The following ARG2 variants were observed in gnomAD, a reference collection of about 807,000 sequenced individuals.
The protein encoded by ARG2 is arginase 2, also known as arginase-2, mitochondrial.
In ARG2, 21 loss-of-function variants were observed where a neutral mutation model predicts 39.4. The ratio of observed to expected loss-of-function variants is 0.53; its 90% confidence interval spans 0.38 to 0.77. The LOEUF is 0.77. Among genes scored for constraint, ARG2 ranks in the 30% least tolerant of loss-of-function variants. The pLI, the probability that ARG2 is intolerant of heterozygous loss-of-function variation, is 0.00. For synonymous variants in ARG2, 150 were observed against 156.7 expected, an observed-to-expected ratio of 0.96 and a Z score of 0.32; for missense variants, 378 against 426.2, an observed-to-expected ratio of 0.89 and a Z score of 1.00.
chr14:67,627,197 T>G (rs2036874697), intron 2 of ARG2, among the ~76,000 whole-genome samples: 1 of 151,246 alleles, frequency 6.6e-6, no homozygotes, highest in Admixed American at 6.6e-5. Flanking sequence ...GGATGAATTT[T>G]ATGGTATGTG....
At chr14:67,633,072 G>A (rs961586920) in intron 2 of ARG2, among the ~76,000 whole-genome samples, 9 of 151,870 alleles carry the variant, frequency 5.9e-5, no homozygotes, top group South Asian at 2.1e-4. Flanking sequence ...CGCCCGCCTC[G>A]GCCTCCGAAA....
rs370808150 is a variant in ARG2 at position 67,619,936 on chromosome 14, C to T, written c.-42C>T. ...GTGGCGCTCACTCCCGGCTTCCAAC[C>T]GCGCGGAGCCTCTGCCTTGGAGATT... On this transcript the variant is annotated 5_prime_UTR_variant, in exon 1 of 8. Transcript: ENST00000261783. 23 of 1,384,536 alleles carry T rather than the reference C, an allele frequency of 1.7e-5. No homozygotes were observed. The highest frequency in any genetic ancestry group is 1.9e-5 in the Non-Finnish European group (20 of 1,030,556). The allele number at this position is 1,384,536 out of a possible 1,614,324, so 85.8% of individuals were successfully genotyped here. A position where few individuals can be genotyped will look rare whatever the true frequency, so the allele number is the denominator to read the frequency against.
At chr14:67,643,362 G>T (rs2037057593) in intron 3 of ARG2, among the ~76,000 whole-genome samples, 1 of 152,194 alleles carries the variant, frequency 6.6e-6, no homozygotes, top group Non-Finnish European at 1.5e-5. Context: ...ATTTCACAAG[G>T]GAATGTGATT....
intron 4 of ARG2, 95 bp from the exon 5 acceptor site, chr14:67,646,546 CAGA>C (rs2037100466): frequency 1.1e-6 from 1 of 916,764 alleles, no homozygotes; most frequent in Non-Finnish European, 1.7e-6. Flanking sequence ...CTGTGGGTGG[CAGA>C]AGAAAGCAGA....
intron 2 of ARG2, among the ~76,000 whole-genome samples, chr14:67,627,256 GAT>G (rs3070464): frequency 0.045 from 6,052 of 133,690 alleles, 423 homozygotes; most frequent in African/African-American, 0.15. Flanking sequence ...TCAGTAAGGA[GAT>G]ATATATATAT....
chr14:67,641,845 C>T (rs988373848), intron 2 of ARG2, among the ~76,000 whole-genome samples: 4 of 152,100 alleles, frequency 2.6e-5, no homozygotes, highest in Non-Finnish European at 4.4e-5. Flanking sequence ...TACTTAATTT[C>T]CTTTAAAATT....
intron 2 of ARG2, among the ~76,000 whole-genome samples, chr14:67,635,983 CAG>C (rs939230819): frequency 3.3e-5 from 5 of 152,150 alleles, no homozygotes; most frequent in Non-Finnish European, 5.9e-5. Context: ...AGTGAGGATG[CAG>C]AGTCTTTGTT....
At chr14:67,633,693 G>A (rs977536243) in intron 2 of ARG2, among the ~76,000 whole-genome samples, 1 of 152,178 alleles carries the variant, frequency 6.6e-6, no homozygotes, top group Admixed American at 6.5e-5. Flanking sequence ...AACCACGGTT[G>A]TTCCCCACCA....
intron 2 of ARG2, among the ~76,000 whole-genome samples, chr14:67,639,249 GTTTGCATGA>G (rs1206780991): frequency 6.6e-6 from 1 of 152,118 alleles, no homozygotes; most frequent in Non-Finnish European, 1.5e-5. Flanking sequence ...CTACATCCTG[GTTTGCATGA>G]TTGGACTTGG....
At chr14:67,640,416 A>G (rs1019198857) in intron 2 of ARG2, among the ~76,000 whole-genome samples, 2 of 152,158 alleles carry the variant, frequency 1.3e-5, no homozygotes, top group African/African-American at 2.4e-5. Flanking sequence ...CTTGTTTCCA[A>G]TATCTCTTGC....
intron 2 of ARG2, among the ~76,000 whole-genome samples, chr14:67,625,423 A>G (rs560377186): frequency 6.6e-6 from 1 of 152,308 alleles, no homozygotes; most frequent in African/African-American, 2.4e-5. Flanking sequence ...TCACGCCTGT[A>G]ATCCCAGCAC....
chr14:67,642,606 G>C (rs966193476), intron 3 of ARG2, among the ~76,000 whole-genome samples: 3 of 152,030 alleles, frequency 2.0e-5, no homozygotes, highest in Non-Finnish European at 4.4e-5. Flanking sequence ...AGCAAGTTCA[G>C]AGGTATACTA....
At position 67,620,891 on chromosome 14, in the gene ARG2, CAGAAA is replaced by C. The variant is rs775553351; in HGVS notation, c.117_121del (p.Lys40SerfsTer39). 5.0e-6 allele frequency: 8 copies of C among 1,614,040 alleles called. No individual in the cohort carries two copies. The highest frequency in any genetic ancestry group is 1.3e-5 in the African/African-American group (1 of 75,016). ...CTAATTGTGTAATTTGTGTGACTGACAGAAAAGAAAAGGAGTGGAGCATGGTCCCG... is the reference window on the plus strand; with the variant it reads ...CTAATTGTGTAATTTGTGTGACTGACAGAAAAGGAGTGGAGCATGGTCCCG... On this transcript the variant is annotated splice_acceptor_variant and coding_sequence_variant, in exon 2 of 8. Coordinates refer to ENST00000261783, the MANE Select transcript of ARG2 (RefSeq NM_001172.4). LOFTEE classifies it high-confidence loss of function.
intron 7 of ARG2, chr14:67,650,479 T>C: frequency 1.9e-6 from 1 of 538,886 alleles, no homozygotes; most frequent in Admixed American, 3.2e-5. Context: ...TGAACAGGGA[T>C]GGTTTATTTC....
At chr14:67,636,614 C>A (rs1594825872) in intron 2 of ARG2, among the ~76,000 whole-genome samples, 1 of 152,348 alleles carries the variant, frequency 6.6e-6, no homozygotes, top group East Asian at 1.9e-4. Context: ...AGCCTGGTTG[C>A]ATCATTCTGT....
intron 2 of ARG2, among the ~76,000 whole-genome samples, chr14:67,636,368 T>G (rs946515111): frequency 6.6e-6 from 1 of 152,252 alleles, no homozygotes; most frequent in Non-Finnish European, 1.5e-5. Flanking sequence ...GTTGGAGCTA[T>G]TCAGCCTTGC....
intron 1 of ARG2, 83 bp downstream of exon 1, chr14:67,620,171 C>T (rs1453332093): frequency 2.4e-5 from 22 of 934,946 alleles, no homozygotes; most frequent in East Asian, 1.9e-4. Flanking sequence ...TGCGGGGGAC[C>T]GGGAGGCGAG....
intron 2 of ARG2, among the ~76,000 whole-genome samples, chr14:67,632,709 A>G (rs868017701): frequency 1.9e-4 from 29 of 152,076 alleles, no homozygotes; most frequent in Middle Eastern, 6.8e-3. Context: ...GTCATTATGA[A>G]GATTCACATA....
At chr14:67,646,095 T>G (rs571254681) in intron 4 of ARG2, among the ~76,000 whole-genome samples, 1 of 152,218 alleles carries the variant, frequency 6.6e-6, no homozygotes, top group Non-Finnish European at 1.5e-5. Flanking sequence ...TCAGACACAC[T>G]GATCTAGAAG....
Sources: gnomAD v4.1 joint callset for allele counts (sites outside exome capture counted in the v4.1 genomes callset) on GRCh38, gnomAD v4.1.1 for gene constraint, MANE v1.5 for transcripts, NCBI Gene and HGNC (gene_info 2026-07-23, HGNC 2026-07-21) for gene names.